NEGR1: variants seen among roughly 807,000 people sequenced by gnomAD.
NEGR1 encodes neuronal growth regulator 1.
A neutral mutation model predicts 40.9 loss-of-function variants in NEGR1; 10 were observed. That is an observed-to-expected ratio of 0.24 (90% CI 0.15 to 0.42). NEGR1 has a LOEUF of 0.42. NEGR1 is among the 10% of genes least tolerant of loss of function. NEGR1 has a pLI of 1.00. For missense variants in NEGR1, 352 were observed against 438.9 expected, an observed-to-expected ratio of 0.80 and a Z score of 1.77; for synonymous variants, 185 against 166.8, an observed-to-expected ratio of 1.11 and a Z score of -0.84.
chr1:72,178,821 C>A (rs1652264274), intron 1 of NEGR1, among the ~76,000 whole-genome samples: 1 of 151,720 alleles, frequency 6.6e-6, no homozygotes, highest in African/African-American at 2.4e-5. Flanking sequence ...AGCTTTTCTT[C>A]ATATACTTGT....
chr1:71,437,945 C>T (rs974067782), intron 6 of NEGR1, among the ~76,000 whole-genome samples: 36 of 152,186 alleles, frequency 2.4e-4, no homozygotes, highest in African/African-American at 8.4e-4. Flanking sequence ...AGTGGCCTCT[C>T]AAGAACTCTT....
intron 1 of NEGR1, among the ~76,000 whole-genome samples, chr1:72,157,506 T>C (rs1000174489): frequency 1.1e-4 from 16 of 152,292 alleles, no homozygotes; most frequent in African/African-American, 3.6e-4. Flanking sequence ...TAGACAGATA[T>C]GTATGTAAGA....
intron 1 of NEGR1, among the ~76,000 whole-genome samples, chr1:72,219,830 A>C (rs917234300): frequency 3.3e-5 from 5 of 152,106 alleles, no homozygotes; most frequent in African/African-American, 1.2e-4. Context: ...CACTTTTCAC[A>C]TAGTGAAGAT....
intron 1 of NEGR1, among the ~76,000 whole-genome samples, chr1:72,096,733 C>G (rs1159583148): frequency 2.0e-5 from 3 of 151,972 alleles, no homozygotes; most frequent in African/African-American, 7.3e-5. Flanking sequence ...GCGATTTTGG[C>G]TCACTGCAGC....
At chr1:71,622,683 C>A (rs1401978548) in intron 4 of NEGR1, among the ~76,000 whole-genome samples, 1 of 151,788 alleles carries the variant, frequency 6.6e-6, no homozygotes, top group Non-Finnish European at 1.5e-5. Flanking sequence ...ATGAGCCAGG[C>A]TCATATATAC....
chr1:71,531,989 T>C (rs574077840), intron 6 of NEGR1, among the ~76,000 whole-genome samples: 1 of 151,532 alleles, frequency 6.6e-6, no homozygotes, highest in East Asian at 2.0e-4. Context: ...TTAGTGCCAT[T>C]TCTGGAATGA....
intron 6 of NEGR1, among the ~76,000 whole-genome samples, chr1:71,487,408 C>T (rs1646894642): frequency 6.6e-6 from 1 of 151,680 alleles, no homozygotes; most frequent in Non-Finnish European, 1.5e-5. Context: ...GTTCTCTGAA[C>T]CCTTTAAAGT....
intron 1 of NEGR1, among the ~76,000 whole-genome samples, chr1:72,045,918 T>C (rs1038009221): frequency 6.6e-6 from 1 of 151,786 alleles, no homozygotes; most frequent in African/African-American, 2.4e-5. Context: ...GTAAAACTGT[T>C]AGGAAATACA....
intron 2 of NEGR1, among the ~76,000 whole-genome samples, chr1:71,788,446 G>GA (rs138301176): frequency 0.37 from 56,121 of 150,916 alleles, 11,761 homozygotes; most frequent in Middle Eastern, 0.59. Context: ...AGTTCACATG[G>GA]AAAAAAAAAG....
chr1:71,564,230 G>A (rs1648548869), intron 6 of NEGR1, among the ~76,000 whole-genome samples: 1 of 152,000 alleles, frequency 6.6e-6, no homozygotes, highest in African/African-American at 2.4e-5. Flanking sequence ...GATCTAGGAT[G>A]AGTAGCCCCT....
intron 1 of NEGR1, among the ~76,000 whole-genome samples, chr1:72,162,111 G>A (rs1248981568): frequency 2.6e-5 from 4 of 151,918 alleles, no homozygotes; most frequent in Non-Finnish European, 5.9e-5. Flanking sequence ...ATTTAATTCA[G>A]TTTAACTAAA....
chr1:71,570,613 T>C (rs1021484132), intron 6 of NEGR1, among the ~76,000 whole-genome samples: 5 of 150,966 alleles, frequency 3.3e-5, no homozygotes, highest in Non-Finnish European at 7.4e-5. Context: ...TTTTCCTTAA[T>C]AGTACTTATA....
chr1:71,952,196 G>A (rs746395812), intron 1 of NEGR1, among the ~76,000 whole-genome samples: 1 of 151,964 alleles, frequency 6.6e-6, no homozygotes, highest in African/African-American at 2.4e-5. Context: ...CAAAAGACAA[G>A]ACAGGTTAAA....
chr1:71,701,243 G>A (rs1246945121), intron 3 of NEGR1, among the ~76,000 whole-genome samples: 1 of 151,938 alleles, frequency 6.6e-6, no homozygotes, highest in African/African-American at 2.4e-5. Flanking sequence ...AGAGGTTCAG[G>A]ATTCTTTTCT....
At chr1:72,130,452 T>C (rs1467523010) in intron 1 of NEGR1, among the ~76,000 whole-genome samples, 2 of 152,322 alleles carry the variant, frequency 1.3e-5, no homozygotes, top group South Asian at 4.1e-4. Flanking sequence ...TTTTCTTACG[T>C]CTGTCATGAG....
intron 1 of NEGR1, among the ~76,000 whole-genome samples, chr1:72,108,619 G>C (rs1467228548): frequency 1.3e-5 from 2 of 151,514 alleles, no homozygotes; most frequent in Non-Finnish European, 3.0e-5. Context: ...ATTTAGAGAA[G>C]TTGCTTTACA....
chr1:71,627,804 C>T (rs1302445454), intron 4 of NEGR1, among the ~76,000 whole-genome samples: 1 of 151,960 alleles, frequency 6.6e-6, no homozygotes, highest in Non-Finnish European at 1.5e-5. Flanking sequence ...ATGGGTCTGC[C>T]TTGAAGAGAA....
intron 1 of NEGR1, among the ~76,000 whole-genome samples, chr1:72,054,281 C>T (rs185576190): frequency 3.2e-4 from 49 of 151,432 alleles, no homozygotes; most frequent in African/African-American, 1.0e-3. Flanking sequence ...ATGACTGCTG[C>T]ATTTGACTCT....
intron 6 of NEGR1, among the ~76,000 whole-genome samples, chr1:71,513,101 G>C (rs781635013): frequency 3.3e-5 from 5 of 152,152 alleles, no homozygotes; most frequent in African/African-American, 1.2e-4. Flanking sequence ...ATACAATTCA[G>C]AGAGGGTGGA....
Sources: allele counts gnomAD v4.1 joint callset (sites outside exome capture counted in the v4.1 genomes callset), GRCh38; gene constraint gnomAD v4.1.1; transcripts MANE v1.5; gene names NCBI Gene and HGNC (gene_info 2026-07-23, HGNC 2026-07-21).